Variants in CAPG observed in about 807,000 individuals in gnomAD.
CAPG encodes the protein macrophage-capping protein.
CAPG carries 32 observed loss-of-function variants against 44.6 expected under a neutral mutation model. The ratio of observed to expected loss-of-function variants is 0.72; its 90% CI spans 0.54 to 0.96. The LOEUF (loss-of-function observed/expected upper bound fraction) is 0.96, where lower values mean the gene tolerates loss of function less well. Among genes scored for constraint, CAPG ranks in the 50% least tolerant of loss-of-function variants. The probability of loss-of-function intolerance (pLI) is 0.00; values close to 1 mark genes in which losing one functional copy is unlikely to be tolerated. For missense variants in CAPG, 412 were observed against 438.3 expected, an observed-to-expected ratio of 0.94 and a Z score of 0.54; for synonymous variants, 175 against 179.6, an observed-to-expected ratio of 0.97 and a Z score of 0.20.
intron 1 of CAPG, among the ~76,000 whole-genome samples, chr2:85,417,297 C>T (rs56020727): frequency 0.17 from 25,405 of 152,084 alleles, 2,531 homozygotes; most frequent in Non-Finnish European, 0.24. Context: ...CCTCCTTTGA[C>T]AGATGAGGAA....
chr2:85,399,148 A>G lies in CAPG; in HGVS notation c.654T>C (p.Ala218=), dbSNP rs1686754588. The G allele has an allele frequency of 1.9e-6, 3 of 1,613,756 alleles. No individual in the cohort carries two copies. The highest frequency in any genetic ancestry group is 2.2e-5 in the South Asian group (2 of 91,072). ...VEIVTDGEEP[A]EMIQVLGPKP... ...AATGTCCCCCAACCTGGATCATCTC[A>G]GCAGGCTCCTCCCCATCAGTGACAA... is the stretch of plus-strand genomic sequence containing the variant. Residue 218 remains alanine, a synonymous_variant, in exon 6 of 10, where the codon GCT becomes GCC. Transcript: ENST00000263867.
At chr2:85,414,840 C>T (rs1339022349), upstream of CAPG, among the ~76,000 whole-genome samples, 3 of 152,206 alleles carry the variant, frequency 2.0e-5, no homozygotes, top group Non-Finnish European at 4.4e-5. Context: ...GAGGCCAGGC[C>T]TTCTGGAAAT....
In CAPG at chr2:85,402,137, T is replaced by A. The variant is rs2104812087; in HGVS notation, c.9A>T (p.Thr3=). The change falls in exon 2 of 10, where the codon ACA becomes ACT. Residue 3 remains threonine, a synonymous_variant. Coordinates refer to ENST00000263867, the MANE Select transcript of CAPG (RefSeq NM_001747.4). ...ATGCAGCTTACCTCTGGGGAATGGC[T>A]GTGTACATGCTGTCTTCAGATCTGG... The part of the protein sequence containing the change: MY[T]AIPQSGSPFP... 3.1e-6 allele frequency: 5 copies of A among 1,606,394 alleles called. No individual in the cohort carries two copies. In the South Asian group the frequency reaches 3.3e-5, roughly 11 times the overall value.
rs1686907034 is a variant in CAPG at position 85,401,766 on chromosome 2, C to T, written c.196+19G>A. The T allele has an allele frequency of 6.2e-7, 1 of 1,612,928 alleles. No individual in the cohort carries two copies. Among genetic ancestry groups the T allele is most frequent in the South Asian group, 1.1e-5 (1 of 91,072 alleles). The stretch of plus-strand genomic sequence containing the variant: ...CTCCCCTTCCTGGGCCCAACCTTCC[C>T]CCATCCAGATCCCCTTACCTATCCA... On this transcript the variant is annotated intron_variant, in intron 3 of 9. Transcript: ENST00000263867.
chr2:85,394,973 G>A lies in CAPG; in HGVS notation c.982-15C>T. On this transcript the variant is annotated splice_polypyrimidine_tract_variant and intron_variant, in intron 9 of 9. Transcript: ENST00000263867. ...AGAATCTCCACCTGCAGGGACAGCG[G>A]GGGAGAAGTCTGGTTCACAAAGTTG... 1 of 1,598,172 alleles carries A rather than the reference G, an allele frequency of 6.3e-7. No individual in the cohort carries two copies. The highest frequency in any genetic ancestry group is 8.6e-7 in the Non-Finnish European group (1 of 1,165,498).
upstream of CAPG, among the ~76,000 whole-genome samples, chr2:85,414,592 G>A (rs979924948): frequency 8.1e-6 from 1 of 123,582 alleles, no homozygotes; most frequent in Admixed American, 7.7e-5. Context: ...ACCACGCCCA[G>A]CTAAACTTTT....
chr2:85,408,410 A>G (rs1479811392), intron 1 of CAPG, among the ~76,000 whole-genome samples: 10 of 150,274 alleles, frequency 6.7e-5, no homozygotes, highest in Admixed American at 6.6e-4. Flanking sequence ...GCCCGTATCA[A>G]GCCCCAGCTG....
At chr2:85,397,639 G>T (rs186285119) in intron 8 of CAPG, among the ~76,000 whole-genome samples, 1 of 152,124 alleles carries the variant, frequency 6.6e-6, no homozygotes, top group African/African-American at 2.4e-5. Flanking sequence ...GGAGGCAGAG[G>T]TTGCAGTGAG....
At chr2:85,396,490 A>G (rs1299181307) in intron 8 of CAPG, among the ~76,000 whole-genome samples, 2 of 152,202 alleles carry the variant, frequency 1.3e-5, no homozygotes, top group African/African-American at 4.8e-5. Context: ...AATGCCATGA[A>G]CTACAATGTA....
chr2:85,411,772 A>G (rs1023540998), upstream of CAPG, among the ~76,000 whole-genome samples: 2 of 152,184 alleles, frequency 1.3e-5, no homozygotes, highest in Non-Finnish European at 2.9e-5. Flanking sequence ...AAAATACAGT[A>G]CTGGATAGGC....
At chr2:85,401,420 G>C in intron 4 of CAPG, 91 bp from the exon 5 acceptor site, 1 of 1,575,662 alleles carries the variant, frequency 6.3e-7, no homozygotes, top group Non-Finnish European at 8.7e-7. Context: ...GAAAGGTGGG[G>C]ACCCGGCTCC....
intron 1 of CAPG, among the ~76,000 whole-genome samples, chr2:85,406,845 C>T (rs1026169142): frequency 1.3e-5 from 2 of 150,540 alleles, no homozygotes; most frequent in East Asian, 2.0e-4. Context: ...GCAACAAGAG[C>T]GAAACTCCGT....
At chr2:85,408,994 C>A (rs1298749999) in intron 1 of CAPG, among the ~76,000 whole-genome samples, 1 of 152,162 alleles carries the variant, frequency 6.6e-6, no homozygotes, top group Non-Finnish European at 1.5e-5. Context: ...CACCACCTTA[C>A]CAAACAGCCT....
chr2:85,399,696 C>A (rs1686786882), intron 5 of CAPG, among the ~76,000 whole-genome samples: 1 of 151,998 alleles, frequency 6.6e-6, no homozygotes, highest in South Asian at 2.1e-4. Context: ...CACTATGTTG[C>A]CCAGGCTGGT....
chr2:85,406,251 C>CA (rs1189890985), intron 1 of CAPG, among the ~76,000 whole-genome samples: 1,383 of 116,406 alleles, frequency 0.012, 18 homozygotes, highest in African/African-American at 0.04. Context: ...GACTCGGTTT[C>CA]AAAAAAAAAA....
chr2:85,395,650 TAAA>T lies in CAPG; in HGVS notation c.893-27_893-25del, dbSNP rs1553424983. Reference sequence around the variant, plus strand: ...CCCTAGATCATAGGAAGGAGATTTTTAAAAAGAGCAGGGACCCTCTTTAGCTGC... The same window carrying T: ...CCCTAGATCATAGGAAGGAGATTTTTAAGAGCAGGGACCCTCTTTAGCTGC... On this transcript the variant is annotated intron_variant, in intron 8 of 9. Transcript: ENST00000263867. This position sits in a 1 kb window ranked among gnomAD's most constrained non-coding sequence, Gnocchi z 4.3. The T allele has an allele frequency of 1.3e-6, 2 of 1,581,180 alleles. No homozygotes were observed. The highest frequency in any genetic ancestry group is 2.7e-5 in the African/African-American group (2 of 74,420).
In CAPG at chr2:85,401,562, G is replaced by T; in HGVS notation, c.318C>A (p.Phe106Leu). The T allele has an allele frequency of 6.2e-7, 1 of 1,614,198 alleles. No individual in the cohort carries two copies. The part of the protein sequence containing the change: ...REVQGNESDL[F>L]MSYFPRGLKY... The stretch of plus-strand genomic sequence containing the variant: ...TGAGGCCCCGTGGGAAGTAGCTCAT[G>T]AAGAGGTCAGACTCATTGCCCTGCA... Residue 106 changes from phenylalanine (F) to leucine (L), a missense_variant, in exon 4 of 10, where the codon TTC becomes TTA. Physicochemically the swap from Phe to Leu is conservative, Grantham distance 22 (BLOSUM62 0). Coordinates refer to ENST00000263867, the MANE Select transcript of CAPG (RefSeq NM_001747.4).
chr2:85,394,936 T>C lies in CAPG; in HGVS notation c.1004A>G (p.His335Arg), dbSNP rs6886. The C allele has an allele frequency of 0.63, 1,022,078 of 1,610,230 alleles. 329,432 individuals are homozygous for C. Among genetic ancestry groups the C allele is most frequent in the African/African-American group, 0.73 (54,686 of 74,850 alleles). Residue 335 changes from histidine (H) to arginine (R), a missense_variant, in exon 10 of 10, where the codon CAT becomes CGT. By Grantham distance (29) the His-to-Arg change is conservative. Coordinates refer to ENST00000263867, the MANE Select transcript of CAPG (RefSeq NM_001747.4). ...AAATTGCTTGAAGATGGGACTCTCA[T>C]GGCCCTGAGGCAGAATCTCCACCTG... ...NTQVEILPQG[H>R]ESPIFKQFFK...
chr2:85,405,385 GCT>G (rs1485122003), intron 1 of CAPG, among the ~76,000 whole-genome samples: 3 of 152,232 alleles, frequency 2.0e-5, no homozygotes, highest in African/African-American at 7.2e-5. Context: ...TACAATTCAT[GCT>G]GTGCATCCAT....
Sources: allele counts gnomAD v4.1 joint callset (sites outside exome capture counted in the v4.1 genomes callset), GRCh38; gene constraint gnomAD v4.1.1; non-coding constraint Gnocchi (gnomAD v3.1); transcripts MANE v1.5; gene names NCBI Gene and HGNC (gene_info 2026-07-23, HGNC 2026-07-21).